MEF2A: variants seen among roughly 807,000 people sequenced by gnomAD.
The protein encoded by MEF2A is myocyte enhancer factor 2A.
A neutral mutation model predicts 55.8 loss-of-function variants in MEF2A; 28 were observed. That is an observed-to-expected ratio of 0.50 (90% CI 0.37 to 0.69). The LOEUF (loss-of-function observed/expected upper bound fraction) is 0.69, where lower values mean the gene tolerates loss of function less well. MEF2A is among the 30% of genes least tolerant of loss of function. The pLI is 0.00. For missense variants in MEF2A, 528 were observed against 626.2 expected (o/e 0.84, Z 1.67); for synonymous variants, 239 against 227.1 (o/e 1.05, Z -0.47).
At chr15:99,680,967 G>A (rs2053137681) in intron 7 of MEF2A, among the ~76,000 whole-genome samples, 1 of 152,090 alleles carries the variant, frequency 6.6e-6, no homozygotes, top group African/African-American at 2.4e-5. Flanking sequence ...AATTTGTATA[G>A]ATCTTTCATA....
chr15:99,679,565 A>T (rs1226949707), intron 7 of MEF2A, among the ~76,000 whole-genome samples: 1 of 152,214 alleles, frequency 6.6e-6, no homozygotes, highest in Non-Finnish European at 1.5e-5. Context: ...AGAAAAACCA[A>T]GAAATTACTG....
intron 8 of MEF2A, among the ~76,000 whole-genome samples, chr15:99,693,182 A>G (rs2055818686): frequency 6.6e-6 from 1 of 152,214 alleles, no homozygotes; most frequent in African/African-American, 2.4e-5. Context: ...GCAGGAGGGA[A>G]AAACCTGTAG....
At chr15:99,567,913 A>G (rs1596157741) in intron 1 of MEF2A, among the ~76,000 whole-genome samples, 1 of 152,214 alleles carries the variant, frequency 6.6e-6, no homozygotes, top group East Asian at 1.9e-4. Context: ...ATGGTGTTAC[A>G]ATAATCAAAA....
At chr15:99,674,730 T>C (rs2570930) in intron 6 of MEF2A, 118 bp downstream of exon 6, 220,474 of 834,352 alleles carry the variant, frequency 0.26, 30,969 homozygotes, top group South Asian at 0.32. Context: ...CAAGAATCAC[T>C]GATACATAAT....
intron 8 of MEF2A, among the ~76,000 whole-genome samples, chr15:99,690,920 C>T (rs572940797): frequency 1.5e-4 from 23 of 152,220 alleles, no homozygotes; most frequent in African/African-American, 5.5e-4. Context: ...AGCAACATTG[C>T]AGATGGAGTA....
chr15:99,695,242 A>G (rs1169647777), intron 8 of MEF2A, among the ~76,000 whole-genome samples: 1 of 152,178 alleles, frequency 6.6e-6, no homozygotes, highest in African/African-American at 2.4e-5. Flanking sequence ...AATATATGAC[A>G]ACAAAAGATG....
chr15:99,632,862 G>A, intron 2 of MEF2A, 116 bp from the exon 3 acceptor site: 1 of 314,498 alleles, frequency 3.2e-6, no homozygotes. Context: ...TGTATAACCA[G>A]AAATTTCAAC....
At chr15:99,579,114 A>G (rs1965183825) in intron 1 of MEF2A, among the ~76,000 whole-genome samples, 1 of 152,102 alleles carries the variant, frequency 6.6e-6, no homozygotes, top group Admixed American at 6.5e-5. Context: ...TTTAGTCTTC[A>G]TTTCTGTACT....
At chr15:99,669,132 G>A (rs1682132873) in intron 4 of MEF2A, among the ~76,000 whole-genome samples, 1 of 152,054 alleles carries the variant, frequency 6.6e-6, no homozygotes, top group Admixed American at 6.6e-5. Context: ...TTTTTTCTCT[G>A]GCAATTAAAA....
At chr15:99,587,914 T>G (rs1294204135) in intron 1 of MEF2A, among the ~76,000 whole-genome samples, 1 of 150,944 alleles carries the variant, frequency 6.6e-6, no homozygotes, top group African/African-American at 2.4e-5. Context: ...CTGGATGCCT[T>G]TTCTTTTTCT....
chr15:99,641,379 C>G (rs1177490602), intron 3 of MEF2A, among the ~76,000 whole-genome samples: 4 of 152,090 alleles, frequency 2.6e-5, no homozygotes, highest in African/African-American at 9.7e-5. Flanking sequence ...TTGAGTGTTC[C>G]AGGCAGCGGA....
At chr15:99,650,556 AT>A (rs990314677) in intron 4 of MEF2A, among the ~76,000 whole-genome samples, 1 of 152,222 alleles carries the variant, frequency 6.6e-6, no homozygotes, top group Non-Finnish European at 1.5e-5. Context: ...ACAGTGATAA[AT>A]TAAGTCAGAT....
intron 4 of MEF2A, among the ~76,000 whole-genome samples, chr15:99,660,096 G>GT (rs747915963): frequency 2.0e-5 from 3 of 152,162 alleles, no homozygotes; most frequent in Non-Finnish European, 2.9e-5. Flanking sequence ...AGCTAGGAGA[G>GT]TTGCAAAGAT....
chr15:99,701,543 G>T (rs1054610715), intron 8 of MEF2A, among the ~76,000 whole-genome samples: 4 of 152,162 alleles, frequency 2.6e-5, no homozygotes, highest in Admixed American at 2.6e-4. Flanking sequence ...TTGAAAGACT[G>T]GTGAAATCCA....
chr15:99,678,029 T>A (rs918443389), intron 7 of MEF2A, among the ~76,000 whole-genome samples: 5 of 152,140 alleles, frequency 3.3e-5, no homozygotes, highest in African/African-American at 1.2e-4. Context: ...AATACAAGTA[T>A]TGATACTGAA....
intron 2 of MEF2A, among the ~76,000 whole-genome samples, chr15:99,631,211 A>G (rs370488335): frequency 2.0e-5 from 3 of 152,368 alleles, no homozygotes; most frequent in African/African-American, 7.2e-5. Context: ...TCCATCTTAC[A>G]GCCATTAAAA....
At chr15:99,574,762 C>A (rs555321866) in intron 1 of MEF2A, among the ~76,000 whole-genome samples, 1 of 152,328 alleles carries the variant, frequency 6.6e-6, no homozygotes, top group African/African-American at 2.4e-5. Context: ...GGCCCCATTC[C>A]TAACAGGCCA....
chr15:99,584,836 T>C (rs1966844103), intron 1 of MEF2A, among the ~76,000 whole-genome samples: 1 of 152,152 alleles, frequency 6.6e-6, no homozygotes, highest in African/African-American at 2.4e-5. Context: ...AATGGGTGAA[T>C]TGTATGTAAA....
At chr15:99,662,313 A>T (rs2048788785) in intron 4 of MEF2A, among the ~76,000 whole-genome samples, 1 of 152,164 alleles carries the variant, frequency 6.6e-6, no homozygotes, top group East Asian at 1.9e-4. Context: ...CACAATTTTT[A>T]AAAATTGTTT....
Sources: gnomAD v4.1 joint callset for allele counts (sites outside exome capture counted in the v4.1 genomes callset) on GRCh38, gnomAD v4.1.1 for gene constraint, MANE v1.5 for transcripts, NCBI Gene and HGNC (gene_info 2026-07-23, HGNC 2026-07-21) for gene names.